Variants in WWOX observed in about 807,000 individuals in gnomAD.
The protein encoded by WWOX is WW domain containing oxidoreductase.
WWOX carries 69 observed loss-of-function variants against 46.2 expected under a neutral mutation model. The observed-to-expected ratio is 1.49, with a 90% confidence interval of 1.23 to 1.82. WWOX has a LOEUF of 1.82. Ranked by LOEUF, WWOX falls within the 40% of genes most tolerant of loss-of-function variation. WWOX has a pLI of 0.00. For synonymous variants in WWOX, 359 were observed against 202.6 expected (o/e 1.77, Z -6.56); for missense variants, 919 against 542.6 (o/e 1.69, Z -6.89).
At chr16:78,471,566 C>T (rs2084221916) in intron 8 of WWOX, among the ~76,000 whole-genome samples, 1 of 152,186 alleles carries the variant, frequency 6.6e-6, no homozygotes, top group Non-Finnish European at 1.5e-5. Context: ...CATGAAATCT[C>T]TGCAGCGATA....
intron 8 of WWOX, among the ~76,000 whole-genome samples, chr16:78,518,398 T>C (rs1156707173): frequency 1.3e-5 from 2 of 151,972 alleles, no homozygotes; most frequent in Non-Finnish European, 2.9e-5. Context: ...TTTTGTATTT[T>C]ATATTAGAGA....
At chr16:78,349,655 G>A (rs1035671877) in intron 5 of WWOX, among the ~76,000 whole-genome samples, 1 of 120,068 alleles carries the variant, frequency 8.3e-6, no homozygotes, top group Admixed American at 8.1e-5. Flanking sequence ...GCACCCTTCC[G>A]ACAATCCTTC....
chr16:78,143,591 G>T (rs1304198103), intron 4 of WWOX, among the ~76,000 whole-genome samples: 8 of 152,136 alleles, frequency 5.3e-5, no homozygotes, highest in Admixed American at 5.2e-4. Flanking sequence ...GATATTTACT[G>T]CATTTATTTA....
chr16:78,852,378 C>T (rs900688471), intron 8 of WWOX, among the ~76,000 whole-genome samples: 1 of 152,196 alleles, frequency 6.6e-6, no homozygotes, highest in Non-Finnish European at 1.5e-5. Context: ...TGGATCACTC[C>T]TTGTGGCAGA....
intron 5 of WWOX, among the ~76,000 whole-genome samples, chr16:78,252,281 C>T (rs181053565): frequency 1.2e-4 from 18 of 152,262 alleles, no homozygotes; most frequent in African/African-American, 4.1e-4. Flanking sequence ...TAAAAAAAAT[C>T]ATATGTATGT....
At chr16:78,849,059 G>A (rs993069928) in intron 8 of WWOX, among the ~76,000 whole-genome samples, 2 of 152,186 alleles carry the variant, frequency 1.3e-5, no homozygotes, top group African/African-American at 4.8e-5. Flanking sequence ...CATGATCACT[G>A]TTGACAATCT....
chr16:78,953,637 T>C (rs1361701991), intron 8 of WWOX, among the ~76,000 whole-genome samples: 1 of 152,152 alleles, frequency 6.6e-6, no homozygotes, highest in Non-Finnish European at 1.5e-5. Flanking sequence ...GTACCGTACT[T>C]CAAAACCTCT....
At chr16:78,152,907 T>TTC (rs2034467001) in intron 4 of WWOX, among the ~76,000 whole-genome samples, 1 of 151,756 alleles carries the variant, frequency 6.6e-6, no homozygotes, top group Non-Finnish European at 1.5e-5. Flanking sequence ...TTGGTATGTT[T>TTC]TTTGATTAAT....
At chr16:79,175,668 G>C (rs1275952000) in intron 8 of WWOX, among the ~76,000 whole-genome samples, 2 of 152,176 alleles carry the variant, frequency 1.3e-5, no homozygotes, top group Non-Finnish European at 2.9e-5. Flanking sequence ...TTCTGATGAA[G>C]GATGTTAGCA....
intron 8 of WWOX, among the ~76,000 whole-genome samples, chr16:78,643,655 C>G (rs890971869): frequency 1.1e-4 from 17 of 152,056 alleles, no homozygotes; most frequent in Non-Finnish European, 1.2e-4. Context: ...TATCTTGGCT[C>G]CTAATAATGG....
chr16:78,322,086 G>A (rs769845597), intron 5 of WWOX, among the ~76,000 whole-genome samples: 17 of 152,050 alleles, frequency 1.1e-4, no homozygotes, highest in Non-Finnish European at 2.1e-4. Flanking sequence ...AAAGCCAAAT[G>A]GTTTCAATTT....
At chr16:78,837,769 A>G (rs986213411) in intron 8 of WWOX, among the ~76,000 whole-genome samples, 4 of 152,220 alleles carry the variant, frequency 2.6e-5, no homozygotes, top group East Asian at 1.9e-4. Flanking sequence ...GCCACCATCT[A>G]TCTATACTTC....
Position 78,466,847 on chromosome 16 carries a change from C to CA in WWOX, c.1056+34105dup, listed in dbSNP as rs111862787. The stretch of plus-strand genomic sequence containing the variant: ...TGGGCAACAGAGCGAGACTCCGTCT[C>CA]AAAAAAAAAAGCACAAAAAATTTTT... On this transcript the variant is annotated intron_variant, in intron 8 of 8. Transcript: ENST00000566780. 5.8e-3 allele frequency among the ~76,000 whole-genome samples: 847 copies of CA among 146,518 alleles called. 5 individuals carry two copies. The highest frequency in any genetic ancestry group is 0.02 in the African/African-American group (789 of 40,104).
chr16:79,030,174 AG>A (rs2047725032), intron 8 of WWOX, among the ~76,000 whole-genome samples: 2 of 152,266 alleles, frequency 1.3e-5, no homozygotes, highest in African/African-American at 2.4e-5. Flanking sequence ...CCGTTATCAT[AG>A]CCATTGGTTA....
intron 8 of WWOX, among the ~76,000 whole-genome samples, chr16:78,702,120 ATATT>A (rs1555519622): frequency 1.2e-4 from 15 of 130,016 alleles, no homozygotes; most frequent in East Asian, 6.2e-4. Flanking sequence ...ATATATATAT[ATATT>A]TATTTATTTT....
intron 8 of WWOX, among the ~76,000 whole-genome samples, chr16:79,079,710 A>G (rs8062577): frequency 6.6e-6 from 1 of 152,196 alleles, no homozygotes; most frequent in African/African-American, 2.4e-5. Flanking sequence ...TGTGATTACA[A>G]CATAATTGTT....
intron 8 of WWOX, among the ~76,000 whole-genome samples, chr16:79,160,339 C>G (rs1157427142): frequency 6.6e-6 from 1 of 152,084 alleles, no homozygotes; most frequent in Non-Finnish European, 1.5e-5. Context: ...TGGCACCAAG[C>G]GGGAGGTGGA....
Position 78,317,020 on chromosome 16 carries a change from A to G in WWOX, c.517-69840A>G, listed in dbSNP as rs553247501. On this transcript the variant is annotated intron_variant, in intron 5 of 8. Coordinates refer to ENST00000566780, the MANE Select transcript of WWOX (RefSeq NM_016373.4). ...TGAAGGAAAGTTGCTTTTTGGAAGG[A>G]TATTAGAATCCAAAGGTGAAGCCTG... Among the ~76,000 whole-genome samples the G allele has an allele frequency of 2.0e-3, 298 of 152,304 alleles. 3 individuals are homozygous for G. The highest frequency in any genetic ancestry group is 3.5e-3 in the Non-Finnish European group (235 of 68,022).
intron 5 of WWOX, among the ~76,000 whole-genome samples, chr16:78,335,547 G>A (rs560738803): frequency 6.6e-6 from 1 of 152,150 alleles, no homozygotes; most frequent in African/African-American, 2.4e-5. Flanking sequence ...GAGTGATTCC[G>A]TGTCCTTGCT....
Sources: gnomAD v4.1 joint callset for allele counts (sites outside exome capture counted in the v4.1 genomes callset) on GRCh38, gnomAD v4.1.1 for gene constraint, MANE v1.5 for transcripts, NCBI Gene and HGNC (gene_info 2026-07-23, HGNC 2026-07-21) for gene names.